The following RGSL1 variants were observed in gnomAD, a reference collection of about 807,000 sequenced individuals.
RGSL1 encodes regulator of G protein signaling protein-like.
In RGSL1, 97 loss-of-function variants were observed where a neutral mutation model predicts 124.7. That is an observed-to-expected ratio of 0.78 (90% confidence interval 0.66 to 0.92). The LOEUF is 0.92. Among genes scored for constraint, RGSL1 ranks in the 40% least tolerant of loss-of-function variants. The pLI is 0.00. For missense variants in RGSL1, 1,233 were observed against 1,288.4 expected (o/e 0.96, Z 0.66); for synonymous variants, 424 against 438.1 (o/e 0.97, Z 0.40).
chr1:182,512,762 G>A (rs1212220022), intron 9 of RGSL1, among the ~76,000 whole-genome samples: 1 of 152,134 alleles, frequency 6.6e-6, no homozygotes, highest in African/African-American at 2.4e-5. Context: ...GGATGATGGA[G>A]GTGGCTCTCA....
At chr1:182,487,662 G>A (rs1013581625) in intron 6 of RGSL1, among the ~76,000 whole-genome samples, 2 of 152,268 alleles carry the variant, frequency 1.3e-5, no homozygotes, top group African/African-American at 2.4e-5. Context: ...TGCTGTTCAC[G>A]CTGGAAGCTG....
Position 182,551,170 on chromosome 1 carries a change from C to T in RGSL1, c.3004C>T (p.Pro1002Ser). The T allele has an allele frequency of 1.3e-6, 2 of 1,551,692 alleles. No homozygotes were observed. Among genetic ancestry groups the T allele is most frequent in the African/African-American group, 1.4e-5 (1 of 73,182 alleles). The change falls in exon 18 of 22, where the codon CCT (proline) becomes TCT (serine). Residue 1002 changes from proline to serine, a missense_variant. Physicochemically the swap from Pro to Ser is moderately conservative, Grantham distance 74 (BLOSUM62 -1). Coordinates refer to ENST00000294854, the MANE Select transcript of RGSL1 (RefSeq NM_001137669.2). ...GAAGAAGTTCAAGGACAGAAAAAGC[C>T]CTCCTAAATCTACGGACAAGTATCC... ...RGKKFKDRKS[P>S]PKSTDKYPFS...
At position 182,530,295 on chromosome 1, in the gene RGSL1, G is replaced by A. The variant is rs184518879; in HGVS notation, c.2177G>A (p.Arg726His). The A allele has an allele frequency of 8.2e-5, 127 of 1,551,022 alleles. No homozygotes were observed. The highest frequency in any genetic ancestry group is 1.1e-4 in the African/African-American group (8 of 73,086). Residue 726 changes from arginine to histidine, a missense_variant, in exon 12 of 22, where the codon CGT (arginine) becomes CAT (histidine). Coordinates refer to ENST00000294854, the MANE Select transcript of RGSL1 (RefSeq NM_001137669.2). ...APIIKEIASMRHVTTSTLLTL... is the reference protein window; with the variant it reads ...APIIKEIASMHHVTTSTLLTL... ...ATTATCAAAGAAATCGCTTCCATGC[G>A]TCATGTCACCACAAGCACACTGTTA...
chr1:182,524,291 GT>G (rs1658576433), intron 10 of RGSL1, among the ~76,000 whole-genome samples: 2 of 152,096 alleles, frequency 1.3e-5, no homozygotes, highest in Middle Eastern at 3.4e-3. Context: ...AGAAATGAGA[GT>G]ATATAAGGAG....
chr1:182,509,780 T>A (rs1571609254), intron 9 of RGSL1, among the ~76,000 whole-genome samples: 1 of 105,048 alleles, frequency 9.5e-6, no homozygotes, highest in African/African-American at 3.8e-5. Context: ...ACCCCCCACC[T>A]CCCTCCCGGA....
chr1:182,519,085 A>G (rs1441307040), intron 9 of RGSL1, among the ~76,000 whole-genome samples: 2 of 151,888 alleles, frequency 1.3e-5, no homozygotes, highest in Non-Finnish European at 2.9e-5. Context: ...TGACTACCAT[A>G]TAGATTTCCA....
At chr1:182,553,615 TC>T in intron 19 of RGSL1, 74 bp downstream of exon 19, 1 of 1,261,364 alleles carries the variant, frequency 7.9e-7, no homozygotes, top group Admixed American at 2.0e-5. Flanking sequence ...GCTTGGCCAA[TC>T]CCCTTATTGA....
At chr1:182,496,554 C>T (rs945744415) in intron 9 of RGSL1, among the ~76,000 whole-genome samples, 14 of 152,300 alleles carry the variant, frequency 9.2e-5, no homozygotes, top group Middle Eastern at 3.4e-3. Context: ...TTATCCTTTT[C>T]AGGTCTGTCA....
At chr1:182,554,995 T>C (rs926533398) in intron 20 of RGSL1, 4 of 347,928 alleles carry the variant, frequency 1.1e-5, no homozygotes, top group African/African-American at 8.2e-5. Context: ...TATTTTTCAT[T>C]TTTATAGATT....
chr1:182,463,435 A>G (rs1216948538), intron 4 of RGSL1, among the ~76,000 whole-genome samples: 1 of 152,348 alleles, frequency 6.6e-6, no homozygotes, highest in African/African-American at 2.4e-5. Context: ...AGAGTCAAAG[A>G]CATAGATTGA....
Position 182,460,228 on chromosome 1 carries a change from A to G in RGSL1, c.301+95A>G, listed in dbSNP as rs184547727. 1.4e-4 allele frequency: 185 copies of G among 1,353,750 alleles called. 2 individuals are homozygous for G. In the African/African-American group the frequency reaches 2.6e-3, roughly 19 times the overall value. 83.9% of individuals were successfully genotyped at this position (1,353,750 alleles called of 1,614,324 possible). A position where few individuals can be genotyped will look rare whatever the true frequency, so the allele number is the denominator to read the frequency against. On this transcript the variant is annotated intron_variant, in intron 4 of 21. Coordinates refer to ENST00000294854, the MANE Select transcript of RGSL1 (RefSeq NM_001137669.2). ...CACTTCATAATAATCTTATGCCTGTATGTGTGTGTGTGTGTGTGTAGAAAT... is the reference window on the plus strand; with the variant it reads ...CACTTCATAATAATCTTATGCCTGTGTGTGTGTGTGTGTGTGTGTAGAAAT...
intron 4 of RGSL1, among the ~76,000 whole-genome samples, chr1:182,465,866 A>G (rs1653279118): frequency 6.6e-6 from 1 of 152,160 alleles, no homozygotes; most frequent in Non-Finnish European, 1.5e-5. Context: ...ATAAGAAAAG[A>G]AAAGTATAGG....
Position 182,517,691 on chromosome 1 carries a change from A to G in RGSL1, c.1826-4313A>G, listed in dbSNP as rs1331344552. Among the ~76,000 whole-genome samples the G allele has an allele frequency of 4.6e-5, 7 of 152,092 alleles. No homozygotes were observed. In the East Asian group the frequency reaches 1.3e-3, roughly 29 times the overall value. On this transcript the variant is annotated intron_variant, in intron 9 of 21. Coordinates refer to ENST00000294854, the MANE Select transcript of RGSL1 (RefSeq NM_001137669.2). Reference sequence around the variant, plus strand: ...TCTAATGAATTTTTAAGTTCAGCAAATGTATTTCTAAGTTCCAAGATTTCT... The same window carrying G: ...TCTAATGAATTTTTAAGTTCAGCAAGTGTATTTCTAAGTTCCAAGATTTCT...
chr1:182,467,042 A>G (rs1395288307), intron 4 of RGSL1, among the ~76,000 whole-genome samples: 1 of 152,204 alleles, frequency 6.6e-6, no homozygotes, highest in African/African-American at 2.4e-5. Context: ...TAAAATACCT[A>G]GGAATCCAAC....
intron 9 of RGSL1, among the ~76,000 whole-genome samples, chr1:182,501,463 T>C (rs997262359): frequency 2.0e-5 from 3 of 151,184 alleles, no homozygotes; most frequent in African/African-American, 7.3e-5. Context: ...GGATTACAGG[T>C]GTGTACCATT....
At chr1:182,497,004 A>G (rs1385188611) in intron 9 of RGSL1, among the ~76,000 whole-genome samples, 1 of 152,184 alleles carries the variant, frequency 6.6e-6, no homozygotes, top group Non-Finnish European at 1.5e-5. Context: ...ATCTTGCCCA[A>G]TGTATATGAT....
chr1:182,523,371 G>T (rs548412718), intron 10 of RGSL1, among the ~76,000 whole-genome samples: 47 of 152,096 alleles, frequency 3.1e-4, no homozygotes, highest in African/African-American at 1.1e-3. Context: ...TTCATTGAGG[G>T]TGATAAGTCT....
chr1:182,522,230 A>AT, intron 10 of RGSL1, 121 bp downstream of exon 10: 1 of 691,700 alleles, frequency 1.4e-6, no homozygotes, highest in South Asian at 1.7e-5. Flanking sequence ...TCCATATACA[A>AT]TACATACAGG....
Position 182,548,422 on chromosome 1 carries a change from CT to C in RGSL1, c.2777del (p.Phe926SerfsTer2), listed in dbSNP as rs1181835247. 2.6e-6 allele frequency: 4 copies of C among 1,551,708 alleles called. No homozygotes were observed. The highest frequency in any genetic ancestry group is 4.9e-5 in the East Asian group (2 of 40,920). On this transcript the variant is annotated frameshift_variant, in exon 16 of 22. Transcript: ENST00000294854. LOFTEE classifies it high-confidence loss of function. Reference protein sequence around the residue: ...RSKMNIIQKLFLNSDIPPKLR... With the variant: ...RSKMNIIQKLXLNSDIPPKLR... Reference sequence around the variant, plus strand: ...CCAAAATGAACATTATCCAAAAACTCTTCCTGAATTCTGACATCCCTCCAAA... The same window carrying C: ...CCAAAATGAACATTATCCAAAAACTCTCCTGAATTCTGACATCCCTCCAAA...
Sources: allele counts gnomAD v4.1 joint callset (sites outside exome capture counted in the v4.1 genomes callset), GRCh38; gene constraint gnomAD v4.1.1; transcripts MANE v1.5; gene names NCBI Gene and HGNC (gene_info 2026-07-23, HGNC 2026-07-21).